The following LPA variants were observed in gnomAD, a reference collection of about 807,000 sequenced individuals.
LPA encodes apolipoprotein(a).
LPA carries 199 observed loss-of-function variants against 197.9 expected under a neutral mutation model. That is an observed-to-expected ratio of 1.01 (90% CI 0.90 to 1.13). LPA has a LOEUF of 1.13. LPA is among the 50% of genes most tolerant of loss of function. The probability of loss-of-function intolerance (pLI) is 0.00; values close to 1 mark genes in which losing one functional copy is unlikely to be tolerated. For synonymous variants in LPA, 715 were observed against 639.5 expected (o/e 1.12, Z -1.78); for missense variants, 1,853 against 1,785.8 (o/e 1.04, Z -0.68).
intron 16 of LPA, among the ~76,000 whole-genome samples, chr6:160,610,392 T>C (rs528572920): frequency 5.3e-5 from 8 of 152,160 alleles, no homozygotes; most frequent in Non-Finnish European, 8.8e-5. Flanking sequence ...TTTGAAATTA[T>C]GGCTGTTCTG....
chr6:160,588,315 A>G (rs1321790831), intron 24 of LPA, among the ~76,000 whole-genome samples: 2 of 151,788 alleles, frequency 1.3e-5, no homozygotes, highest in Non-Finnish European at 2.9e-5. Flanking sequence ...ATCCTTTTAG[A>G]CTGGCTTGGA....
At chr6:160,585,719 T>C (rs1301570907) in intron 25 of LPA, among the ~76,000 whole-genome samples, 5 of 152,012 alleles carry the variant, frequency 3.3e-5, no homozygotes, top group Non-Finnish European at 4.4e-5. Context: ...ACACATTGCC[T>C]CTCAGGGAGA....
intron 14 of LPA, among the ~76,000 whole-genome samples, chr6:160,615,321 G>C (rs1194678337): frequency 1.4e-5 from 2 of 147,512 alleles, no homozygotes; most frequent in South Asian, 2.2e-4. Flanking sequence ...GTGAGTTTCT[G>C]CGTGTGTGTG....
rs1315025850 is a variant in LPA at position 160,531,801 on chromosome 6, G to A, written c.6051C>T (p.Pro2017=). The change falls in exon 39 of 39, where the codon CCC becomes CCT. Residue 2017 remains proline (P), a synonymous_variant. Coordinates refer to ENST00000316300, the MANE Select transcript of LPA (RefSeq NM_005577.4). ...CACGAGCATAGACACCAGGCTTATT[G>A]GGGCGTGCACAGCCAAGACCCCAAG... ...VTSWGLGCAR[P]NKPGVYARVS... is the part of the protein sequence containing the mutation. 6.2e-7 allele frequency: 1 copy of A among 1,614,078 alleles called. No homozygotes were observed. The highest frequency in any genetic ancestry group is 1.7e-5 in the Admixed American group (1 of 60,018).
chr6:160,650,440 T>C lies in LPA; in HGVS notation c.107A>G (p.Tyr36Cys). ...GACAGTGGTGGAGTACGTGCCTCGATAACTCTGTCCATCACCATGGTAGCA... is the reference window on the plus strand; with the variant it reads ...GACAGTGGTGGAGTACGTGCCTCGACAACTCTGTCCATCACCATGGTAGCA... The part of the protein sequence containing the change: ...QDCYHGDGQS[Y>C]RGTYSTTVTG... Residue 36 changes from tyrosine (Y) to cysteine (C), a missense_variant, in exon 2 of 39, where the codon TAT (tyrosine) becomes TGT (cysteine). Tyr to Cys is a radical substitution (Grantham distance 194). Coordinates refer to ENST00000316300, the MANE Select transcript of LPA (RefSeq NM_005577.4). 1 of 1,613,924 alleles carries C rather than the reference T, an allele frequency of 6.2e-7. No individual in the cohort carries two copies. The highest frequency in any genetic ancestry group is 8.5e-7 in the Non-Finnish European group (1 of 1,179,832).
chr6:160,583,040 TA>T (rs1414270580), intron 26 of LPA, among the ~76,000 whole-genome samples: 1 of 152,260 alleles, frequency 6.6e-6, no homozygotes, highest in East Asian at 1.9e-4. Flanking sequence ...TTGGTCCTTT[TA>T]CAATTTTTCT....
chr6:160,573,466 A>T (rs1266987713), intron 28 of LPA, among the ~76,000 whole-genome samples: 1 of 151,442 alleles, frequency 6.6e-6, no homozygotes, highest in Non-Finnish European at 1.5e-5. Context: ...CTTGGTTTGG[A>T]TCCATTGCTG....
intron 1 of LPA, among the ~76,000 whole-genome samples, chr6:160,658,687 T>G (rs987579596): frequency 4.6e-5 from 7 of 152,208 alleles, no homozygotes; most frequent in African/African-American, 1.7e-4. Context: ...GTACTATCAG[T>G]GTTCTCCATA....
intron 20 of LPA, among the ~76,000 whole-genome samples, chr6:160,597,878 T>A (rs543021181): frequency 1.1e-4 from 16 of 152,372 alleles, no homozygotes; most frequent in Middle Eastern, 3.4e-3. Flanking sequence ...GGATATTGCA[T>A]AGCTCAGCAA....
chr6:160,607,562 G>C (rs1431586589), intron 16 of LPA, among the ~76,000 whole-genome samples: 1 of 152,126 alleles, frequency 6.6e-6, no homozygotes, highest in Non-Finnish European at 1.5e-5. Flanking sequence ...TTGGGCTGCG[G>C]GGATCTTGAA....
intron 32 of LPA, among the ~76,000 whole-genome samples, chr6:160,546,300 A>G (rs1375004292): frequency 1.3e-5 from 2 of 152,144 alleles, no homozygotes; most frequent in African/African-American, 4.8e-5. Context: ...ATAAAAACCC[A>G]ACAAGACTGC....
chr6:160,610,302 T>C (rs1779465264), intron 16 of LPA, among the ~76,000 whole-genome samples: 1 of 152,134 alleles, frequency 6.6e-6, no homozygotes, highest in African/African-American at 2.4e-5. Flanking sequence ...GGAAACCCAT[T>C]TGATGCTTGG....
At chr6:160,544,946 G>A (rs1267427358) in intron 33 of LPA, among the ~76,000 whole-genome samples, 1 of 152,114 alleles carries the variant, frequency 6.6e-6, no homozygotes, top group East Asian at 1.9e-4. Flanking sequence ...TACGAGAAAG[G>A]CCATCTGGGG....
At chr6:160,570,063 G>A (rs537980347) in intron 28 of LPA, among the ~76,000 whole-genome samples, 2 of 152,292 alleles carry the variant, frequency 1.3e-5, no homozygotes, top group South Asian at 4.1e-4. Context: ...CAACCATTGT[G>A]GAAGACAGTG....
At chr6:160,611,094 C>A (rs942245113) in intron 16 of LPA, among the ~76,000 whole-genome samples, 26 of 152,054 alleles carry the variant, frequency 1.7e-4, no homozygotes, top group African/African-American at 2.7e-4. Context: ...GAGATTTTCT[C>A]CCTATTGGAA....
chr6:160,587,563 T>A (rs1232291791), intron 24 of LPA, among the ~76,000 whole-genome samples: 1 of 152,166 alleles, frequency 6.6e-6, no homozygotes, highest in Non-Finnish European at 1.5e-5. Context: ...ACCTGAGTCA[T>A]TTAGCTTCTT....
At chr6:160,588,795 G>A (rs762504381) in intron 24 of LPA, among the ~76,000 whole-genome samples, 28 of 152,092 alleles carry the variant, frequency 1.8e-4, no homozygotes, top group Non-Finnish European at 1.5e-4. Flanking sequence ...CCAACACTGT[G>A]TCCAGGAAGG....
intron 28 of LPA, among the ~76,000 whole-genome samples, chr6:160,564,256 C>A (rs538615162): frequency 6.6e-6 from 1 of 152,118 alleles, no homozygotes; most frequent in Admixed American, 6.6e-5. Context: ...GTAAGGCAGG[C>A]CTGGTGTTGA....
At chr6:160,593,598 AC>A (rs1452040267) in intron 22 of LPA, among the ~76,000 whole-genome samples, 1 of 152,100 alleles carries the variant, frequency 6.6e-6, no homozygotes. Flanking sequence ...TACAACCTTC[AC>A]TTCAGGACTT....
Sources: allele counts gnomAD v4.1 joint callset (sites outside exome capture counted in the v4.1 genomes callset), GRCh38; gene constraint gnomAD v4.1.1; transcripts MANE v1.5; gene names NCBI Gene and HGNC (gene_info 2026-07-23, HGNC 2026-07-21).